Variants in RGS7 observed in about 807,000 individuals in gnomAD.
The protein encoded by RGS7 is regulator of G-protein signaling 7.
A neutral mutation model predicts 81.1 loss-of-function variants in RGS7; 27 were observed. That is an observed-to-expected ratio of 0.33 (90% CI 0.25 to 0.46). RGS7 has a LOEUF of 0.46. Ranked by LOEUF, RGS7 falls within the 20% of genes least tolerant of loss-of-function variation. The pLI is 1.00. For missense variants in RGS7, 396 were observed against 607.4 expected, an observed-to-expected ratio of 0.65 and a Z score of 3.66; for synonymous variants, 208 against 207.7, an observed-to-expected ratio of 1.00 and a Z score of -0.01.
intron 3 of RGS7, among the ~76,000 whole-genome samples, chr1:241,089,063 C>CTCTCTCTATATA (rs1374552672): frequency 3.8e-4 from 9 of 23,682 alleles, no homozygotes; most frequent in African/African-American, 4.6e-4. Context: ...CTCTCTCTCT[C>CTCTCTCTATATA]TATATATATA....
intron 2 of RGS7, among the ~76,000 whole-genome samples, chr1:241,138,278 A>G (rs1314805780): frequency 6.6e-6 from 1 of 152,192 alleles, no homozygotes; most frequent in Non-Finnish European, 1.5e-5. Flanking sequence ...AACACAGGTA[A>G]GTGATACAGG....
intron 4 of RGS7, among the ~76,000 whole-genome samples, chr1:240,981,002 A>G (rs149878774): frequency 1.3e-5 from 2 of 152,340 alleles, no homozygotes; most frequent in African/African-American, 4.8e-5. Context: ...ACAAGATCCT[A>G]CCTGTAAATT....
intron 2 of RGS7, among the ~76,000 whole-genome samples, chr1:241,265,786 CTTTTTTTTTTTTTTT>C (rs577669455): frequency 2.1e-4 from 19 of 90,266 alleles, no homozygotes; most frequent in Admixed American, 1.8e-3. Context: ...TTTCCTCGTC[CTTTTTTTTTTTTTTT>C]TTTTTTTTTT....
chr1:241,352,026 G>A (rs1472915866), intron 2 of RGS7, among the ~76,000 whole-genome samples: 1 of 152,178 alleles, frequency 6.6e-6, no homozygotes, highest in East Asian at 1.9e-4. Flanking sequence ...TGAAAGTGAT[G>A]TATACTGTCT....
chr1:241,206,459 G>A (rs12759710), intron 2 of RGS7, among the ~76,000 whole-genome samples: 24,762 of 151,910 alleles, frequency 0.16, 2,103 homozygotes, highest in Admixed American at 0.2. Flanking sequence ...TCTTGACCTC[G>A]TGATCTGCCC....
intron 2 of RGS7, among the ~76,000 whole-genome samples, chr1:241,323,665 T>C (rs918328204): frequency 6.6e-6 from 1 of 152,134 alleles, no homozygotes; most frequent in South Asian, 2.1e-4. Flanking sequence ...CAGATGAAGA[T>C]GCCTGGAGAG....
In RGS7 at chr1:241,279,556, C is replaced by A. The variant is rs139729895; in HGVS notation, c.78+76143G>T. On this transcript the variant is annotated intron_variant, in intron 2 of 18. Coordinates refer to ENST00000440928, the MANE Select transcript of RGS7 (RefSeq NM_001364886.1). ...GCTATAAGATATGATACAGAGGGAG[C>A]ATTTGTACTCTAGCCAACCTCTTCC... is the stretch of plus-strand genomic sequence containing the variant. Among the ~76,000 whole-genome samples, 111 of 152,296 alleles carry A rather than the reference C, an allele frequency of 7.3e-4. 2 individuals carry two copies. The highest frequency in any genetic ancestry group is 2.6e-3 in the African/African-American group (109 of 41,574).
chr1:240,805,226 A>C (rs79608309), intron 15 of RGS7, among the ~76,000 whole-genome samples: 14,204 of 149,574 alleles, frequency 0.095, 1,242 homozygotes, highest in African/African-American at 0.23. Context: ...AAAAAAAAAT[A>C]AAAAAAAATT....
chr1:241,171,939 T>C (rs1290990137), intron 2 of RGS7, among the ~76,000 whole-genome samples: 1 of 152,220 alleles, frequency 6.6e-6, no homozygotes, highest in South Asian at 2.1e-4. Flanking sequence ...AATGGGCTGT[T>C]TGATATTGTG....
chr1:240,967,313 C>T (rs1682468423), intron 4 of RGS7, among the ~76,000 whole-genome samples: 1 of 152,144 alleles, frequency 6.6e-6, no homozygotes, highest in African/African-American at 2.4e-5. Context: ...GTGATATTGG[C>T]CACTGTCCTG....
intron 6 of RGS7, among the ~76,000 whole-genome samples, chr1:240,872,498 G>T (rs1441489679): frequency 6.6e-6 from 1 of 152,064 alleles, no homozygotes; most frequent in Non-Finnish European, 1.5e-5. Flanking sequence ...AGAGGCAAAA[G>T]GTACAAGTCT....
chr1:241,313,501 G>C (rs2080677593), intron 2 of RGS7, among the ~76,000 whole-genome samples: 1 of 152,166 alleles, frequency 6.6e-6, no homozygotes, highest in African/African-American at 2.4e-5. Flanking sequence ...GGAGCAACAA[G>C]GCCCAGGCAA....
intron 2 of RGS7, among the ~76,000 whole-genome samples, chr1:241,234,507 C>A (rs2075826977): frequency 6.6e-6 from 1 of 150,454 alleles, no homozygotes; most frequent in Non-Finnish European, 1.5e-5. Context: ...CTCCTTCTTG[C>A]CAGTTAAACC....
Position 241,163,042 on chromosome 1 carries a change from A to T in RGS7, c.79-64280T>A, listed in dbSNP as rs2103209849. Among the ~76,000 whole-genome samples, 2 of 152,342 alleles carry T rather than the reference A, an allele frequency of 1.3e-5. No individual in the cohort carries two copies. The highest frequency in any genetic ancestry group is 4.1e-4 in the South Asian group (2 of 4,830). On this transcript the variant is annotated intron_variant, in intron 2 of 18. Coordinates refer to ENST00000440928, the MANE Select transcript of RGS7 (RefSeq NM_001364886.1). This position sits in a 1 kb window ranked among gnomAD's most constrained non-coding sequence, Gnocchi z 4.6. ...AAATTGTTTTGGAATTTGCCACTAC[A>T]TAAACTATATAATAGGGGCAGATAT...
chr1:240,912,850 A>G (rs922504403), intron 6 of RGS7, among the ~76,000 whole-genome samples: 8 of 152,216 alleles, frequency 5.3e-5, no homozygotes, highest in African/African-American at 1.9e-4. Context: ...AACAGACACT[A>G]ATTAGGCATG....
rs1224725981 is a variant in RGS7 at position 240,960,221 on chromosome 1, T to C, written c.226+22858A>G. On this transcript the variant is annotated intron_variant, in intron 4 of 18. Transcript: ENST00000440928. ...CTTCTTCTTCCTCTTCTTCTTCTTT[T>C]TTTTTTTTTTTTTGTTGTTGTTGTT... Among the ~76,000 whole-genome samples, 67 of 113,110 alleles carry C rather than the reference T, an allele frequency of 5.9e-4. 2 individuals carry two copies. The highest frequency in any genetic ancestry group is 2.0e-3 in the African/African-American group (62 of 30,426). 74.2% of individuals were successfully genotyped at this position (113,110 alleles called of 152,430 possible). A position where few individuals can be genotyped will look rare whatever the true frequency, so the allele number is the denominator to read the frequency against.
intron 9 of RGS7, 67 bp from the exon 10 acceptor site, chr1:240,827,239 G>A (rs1692996605): frequency 7.9e-7 from 1 of 1,262,340 alleles, no homozygotes; most frequent in Non-Finnish European, 1.2e-6. Flanking sequence ...GGACAATCAT[G>A]AATGGCTCGC....
intron 9 of RGS7, among the ~76,000 whole-genome samples, chr1:240,842,892 G>T (rs1305466484): frequency 6.6e-6 from 1 of 151,932 alleles, no homozygotes; most frequent in Admixed American, 6.6e-5. Flanking sequence ...GCCAAGCGTG[G>T]TGGCTCATGC....
intron 2 of RGS7, among the ~76,000 whole-genome samples, chr1:241,122,455 G>C (rs1418308092): frequency 6.6e-6 from 1 of 152,018 alleles, no homozygotes; most frequent in Non-Finnish European, 1.5e-5. Flanking sequence ...CTGAGATCAG[G>C]GGTTTGAGAC....
Sources: allele counts gnomAD v4.1 joint callset (sites outside exome capture counted in the v4.1 genomes callset), GRCh38; gene constraint gnomAD v4.1.1; non-coding constraint Gnocchi (gnomAD v3.1); transcripts MANE v1.5; gene names NCBI Gene and HGNC (gene_info 2026-07-23, HGNC 2026-07-21).